CBLB: variants seen among roughly 807,000 people sequenced by gnomAD.
CBLB encodes E3 ubiquitin-protein ligase CBL-B.
Under a neutral mutation model 104.9 loss-of-function variants are expected in CBLB, and 31 were observed. The ratio of observed to expected loss-of-function variants is 0.30; its 90% CI spans 0.22 to 0.40. The LOEUF (loss-of-function observed/expected upper bound fraction) is 0.40. Among genes scored for constraint, CBLB ranks in the 10% least tolerant of loss-of-function variants. The pLI is 1.00. For synonymous variants in CBLB, 440 were observed against 422.6 expected (o/e 1.04, Z -0.51); for missense variants, 1,062 against 1,214.6 (o/e 0.87, Z 1.87).
intron 3 of CBLB, among the ~76,000 whole-genome samples, chr3:105,819,784 G>A (rs1352551213): frequency 1.3e-5 from 2 of 151,940 alleles, no homozygotes; most frequent in Non-Finnish European, 2.9e-5. Flanking sequence ...TTATTATATG[G>A]AAAAATATAT....
rs1255141270 is a variant in CBLB, at chr3:105,799,760, C to T, written c.420-23218G>A. Among the ~76,000 whole-genome samples the T allele has an allele frequency of 2.0e-5, 3 of 152,020 alleles. No individual in the cohort carries two copies. The South Asian group carries it at 6.2e-4, about 31-fold the overall frequency. ...AAATAGTGACATGGAGTTAATCTAA[C>T]CTAAGAAAATTTCAGTTGGGTTATT... is the stretch of plus-strand genomic sequence containing the variant. On this transcript the variant is annotated intron_variant, in intron 3 of 18. Transcript: ENST00000394030.
intron 17 of CBLB, among the ~76,000 whole-genome samples, chr3:105,674,856 A>C (rs985860254): frequency 2.0e-5 from 3 of 152,160 alleles, no homozygotes; most frequent in African/African-American, 7.2e-5. Flanking sequence ...GAAATCTTAC[A>C]TGAAGGCCTA....
chr3:105,739,386 C>T (rs2075294025), intron 7 of CBLB, among the ~76,000 whole-genome samples: 1 of 152,114 alleles, frequency 6.6e-6, no homozygotes, highest in African/African-American at 2.4e-5. Context: ...ATTCATACTG[C>T]AGCGAGTTTG....
At chr3:105,753,096 G>C (rs1031730469) in intron 4 of CBLB, among the ~76,000 whole-genome samples, 1 of 152,206 alleles carries the variant, frequency 6.6e-6, no homozygotes, top group Non-Finnish European at 1.5e-5. Flanking sequence ...TGGATACACA[G>C]CAAGGGCTGG....
chr3:105,867,699 G>C (rs2092506437), intron 1 of CBLB, 108 bp from the exon 2 acceptor site: 3 of 896,366 alleles, frequency 3.3e-6, no homozygotes, highest in South Asian at 1.4e-5. Flanking sequence ...CCATCGATTA[G>C]AGCAAAACCA....
upstream of CBLB, chr3:105,869,293 G>A: frequency 9.6e-7 from 1 of 1,045,314 alleles, no homozygotes; most frequent in Non-Finnish European, 1.3e-6. Flanking sequence ...AGTGGAAACG[G>A]GAAAGGAAAT....
upstream of CBLB, chr3:105,869,061 G>T (rs1706720921): frequency 9.3e-7 from 1 of 1,073,702 alleles, no homozygotes; most frequent in Non-Finnish European, 1.2e-6. Context: ...GCGGGGCGGG[G>T]CGGGGGCGGG....
chr3:105,773,020 A>T (rs2079035830), intron 4 of CBLB, among the ~76,000 whole-genome samples: 1 of 152,248 alleles, frequency 6.6e-6, no homozygotes, highest in South Asian at 2.1e-4. Flanking sequence ...CATTCAATCC[A>T]GCAATCCACT....
chr3:105,722,212 AAAAAAAGAAAAG>A (rs1383115142), intron 9 of CBLB, among the ~76,000 whole-genome samples: 1 of 151,138 alleles, frequency 6.6e-6, no homozygotes, highest in East Asian at 1.9e-4. Flanking sequence ...AAAAAAAAAA[AAAAAAAGAAAAG>A]AAAAGAAAAA....
At chr3:105,795,161 C>T (rs2082122389) in intron 3 of CBLB, among the ~76,000 whole-genome samples, 1 of 152,154 alleles carries the variant, frequency 6.6e-6, no homozygotes, top group African/African-American at 2.4e-5. Flanking sequence ...ATCTGCCCAA[C>T]TCGGCCTCCG....
At chr3:105,731,692 A>G (rs1234402189) in intron 9 of CBLB, among the ~76,000 whole-genome samples, 1 of 152,048 alleles carries the variant, frequency 6.6e-6, no homozygotes, top group Non-Finnish European at 1.5e-5. Flanking sequence ...GGCTCAGGGG[A>G]TCTTCCTGTC....
chr3:105,734,021 A>G lies in CBLB; in HGVS notation c.1191T>C (p.Leu397=), dbSNP rs1440941147. ...PCGHLMCTSC[L]TAWQESDGQG... ...CTAATGATTATACCTGCCATGCCGT[A>G]AGGCAAGAGGTGCACATCAAATGCC... is the stretch of plus-strand genomic sequence containing the variant. The change falls in exon 9 of 19, where the codon CTT becomes CTC. Residue 397 remains leucine (L), a synonymous_variant. Coordinates refer to ENST00000394030, the MANE Select transcript of CBLB (RefSeq NM_170662.5). The G allele has an allele frequency of 6.2e-7, 1 of 1,613,990 alleles. No homozygotes were observed. The highest frequency in any genetic ancestry group is 1.1e-5 in the South Asian group (1 of 91,080).
At chr3:105,802,493 T>C (rs1233717808) in intron 3 of CBLB, among the ~76,000 whole-genome samples, 5 of 152,200 alleles carry the variant, frequency 3.3e-5, no homozygotes, top group African/African-American at 1.2e-4. Context: ...GTGCCAAAGA[T>C]CAGACTGGAA....
intron 3 of CBLB, among the ~76,000 whole-genome samples, chr3:105,805,925 A>G (rs2083439121): frequency 1.7e-5 from 1 of 57,882 alleles, no homozygotes; most frequent in Non-Finnish European, 3.4e-5. Flanking sequence ...GGGAGGGAGA[A>G]AAGGGAAAGA....
chr3:105,859,456 C>G (rs1294504421), intron 2 of CBLB, among the ~76,000 whole-genome samples: 1 of 152,100 alleles, frequency 6.6e-6, no homozygotes, highest in African/African-American at 2.4e-5. Context: ...TCGAGAACAT[C>G]TTGGCTAACA....
intron 4 of CBLB, among the ~76,000 whole-genome samples, chr3:105,753,767 T>G (rs62261489): frequency 0.069 from 10,466 of 152,248 alleles, 521 homozygotes; most frequent in Admixed American, 0.15. Flanking sequence ...ACTATAAAAA[T>G]TATTCTAATC....
intron 4 of CBLB, chr3:105,762,165 T>TC (rs1356824839): frequency 6.6e-6 from 1 of 152,154 alleles, no homozygotes; most frequent in East Asian, 1.9e-4. Context: ...AAAGATATGA[T>TC]ATGGAATTGG....
Position 105,702,296 on chromosome 3 carries a change from G to T in CBLB, c.1757C>A (p.Pro586Gln). 1.2e-6 allele frequency: 2 copies of T among 1,613,792 alleles called. No individual in the cohort carries two copies. The highest frequency in any genetic ancestry group is 1.7e-6 in the Non-Finnish European group (2 of 1,179,926). Residue 586 changes from proline to glutamine, a missense_variant, in exon 12 of 19, where the codon CCG becomes CAG. This residue lies in a region of CBLB where 605 missense variants were observed against 582.6 expected (regional missense o/e 1.04). Transcript: ENST00000394030. ...HHVESVPSRD[P>Q]PMPLEAWCPR... ...GCACCATGCTTCAAGAGGCATTGGC[G>T]GGTCTCTGGAAGGCACGCTTTCCAC...
chr3:105,665,432 T>TACACACAC (rs1559734791), intron 18 of CBLB, among the ~76,000 whole-genome samples: 1 of 129,654 alleles, frequency 7.7e-6, no homozygotes, highest in Admixed American at 7.7e-5. Context: ...TATATATATA[T>TACACACAC]ATATATATAT....
Sources: allele counts gnomAD v4.1 joint callset (sites outside exome capture counted in the v4.1 genomes callset), GRCh38; gene constraint gnomAD v4.1.1; regional missense constraint gnomAD v4.1.1; transcripts MANE v1.5; gene names NCBI Gene and HGNC (gene_info 2026-07-23, HGNC 2026-07-21).